The following GAS2 variants were observed in gnomAD, a reference collection of about 807,000 sequenced individuals.
GAS2 encodes the protein growth arrest-specific protein 2.
In GAS2, 20 loss-of-function variants were observed where a neutral mutation model predicts 37.5. The ratio of observed to expected loss-of-function variants is 0.53; its 90% CI spans 0.37 to 0.77. GAS2 has a LOEUF of 0.77. Among genes scored for constraint, GAS2 ranks in the 30% least tolerant of loss-of-function variants. The pLI, the probability that GAS2 is intolerant of heterozygous loss-of-function variation, is 0.00. For missense variants in GAS2, 336 were observed against 373.4 expected, an observed-to-expected ratio of 0.90 and a Z score of 0.82; for synonymous variants, 144 against 132.2, an observed-to-expected ratio of 1.09 and a Z score of -0.61.
upstream of GAS2, among the ~76,000 whole-genome samples, chr11:22,664,605 C>A (rs1174561160): frequency 6.6e-6 from 1 of 152,120 alleles, no homozygotes; most frequent in Non-Finnish European, 1.5e-5. Flanking sequence ...TTTGCATTCA[C>A]ATTAGAGAAG....
chr11:22,681,893 TC>T (rs1218868754), intron 2 of GAS2, among the ~76,000 whole-genome samples: 1 of 152,026 alleles, frequency 6.6e-6, no homozygotes, highest in Non-Finnish European at 1.5e-5. Flanking sequence ...AGATAATATA[TC>T]ATCCCCATAT....
chr11:22,767,955 A>G (rs1476537987), intron 7 of GAS2, among the ~76,000 whole-genome samples: 1 of 152,056 alleles, frequency 6.6e-6, no homozygotes, highest in Admixed American at 6.6e-5. Context: ...CCACCTCAGT[A>G]AAAACGCATA....
At chr11:22,697,690 T>A (rs2134003799) in intron 3 of GAS2, among the ~76,000 whole-genome samples, 1 of 152,354 alleles carries the variant, frequency 6.6e-6, no homozygotes, top group East Asian at 1.9e-4. Context: ...CTAGGTATTT[T>A]ATTCTCTTTG....
At chr11:22,676,327 G>C (rs571677566) in intron 2 of GAS2, among the ~76,000 whole-genome samples, 1 of 152,102 alleles carries the variant, frequency 6.6e-6, no homozygotes. Context: ...TCTCTCTTCT[G>C]TCTTTTTGGG....
intron 6 of GAS2, chr11:22,755,553 G>A (rs930353684): frequency 9.3e-6 from 2 of 213,958 alleles, no homozygotes; most frequent in Non-Finnish European, 1.9e-5. Flanking sequence ...TAGGAACCCA[G>A]CTGATTATGT....
At chr11:22,663,166 A>C (rs1348589833), upstream of GAS2, among the ~76,000 whole-genome samples, 1 of 152,156 alleles carries the variant, frequency 6.6e-6, no homozygotes, top group Non-Finnish European at 1.5e-5. Flanking sequence ...CTCCCTCACT[A>C]TCATGAGAAC....
chr11:22,726,342 CT>C lies in GAS2; in HGVS notation c.324del (p.Phe108LeufsTer16). The C allele has an allele frequency of 6.2e-7, 1 of 1,612,468 alleles. No individual in the cohort carries two copies. On this transcript the variant is annotated frameshift_variant, in exon 4 of 8. Transcript: ENST00000454584. LOFTEE classifies it high-confidence loss of function. ...PCKTSAPSGS[F>X]FARDNTANFL... ...GCAAAACCAGTGCACCCTCGGGCTC[CT>C]TTTTTGCCAGAGACAATACAGCAAA...
At chr11:22,644,128 A>G (rs1199442908) in intron 1 of GAS2, among the ~76,000 whole-genome samples, 1 of 152,198 alleles carries the variant, frequency 6.6e-6, no homozygotes, top group Non-Finnish European at 1.5e-5. Context: ...ATAATAGATG[A>G]ATCTAATTTT....
intron 3 of GAS2, among the ~76,000 whole-genome samples, chr11:22,718,007 T>A (rs1293835647): frequency 6.6e-6 from 1 of 152,110 alleles, no homozygotes; most frequent in African/African-American, 2.4e-5. Context: ...GGAACACTTT[T>A]TTTTACTGCT....
At chr11:22,780,866 C>G (rs180807966) in intron 7 of GAS2, among the ~76,000 whole-genome samples, 2 of 152,244 alleles carry the variant, frequency 1.3e-5, no homozygotes, top group East Asian at 3.9e-4. Context: ...TTGGAAACAG[C>G]TTAATCCTAG....
At chr11:22,708,223 A>G (rs1414370386) in intron 3 of GAS2, among the ~76,000 whole-genome samples, 1 of 152,160 alleles carries the variant, frequency 6.6e-6, no homozygotes, top group Non-Finnish European at 1.5e-5. Flanking sequence ...TAATGACTTG[A>G]TAGATGTACT....
chr11:22,746,791 C>T (rs1853429241), intron 5 of GAS2, among the ~76,000 whole-genome samples: 1 of 152,132 alleles, frequency 6.6e-6, no homozygotes, highest in Admixed American at 6.6e-5. Context: ...GTACCCCAAA[C>T]CTCAACATTA....
chr11:22,764,484 C>G (rs1362271671), intron 7 of GAS2, among the ~76,000 whole-genome samples: 3 of 143,862 alleles, frequency 2.1e-5, no homozygotes, highest in Non-Finnish European at 4.5e-5. Flanking sequence ...GGCGTGAGCC[C>G]GGGAGGCGGA....
intron 6 of GAS2, among the ~76,000 whole-genome samples, chr11:22,754,431 A>G (rs879792442): frequency 1.6e-4 from 25 of 152,102 alleles, no homozygotes; most frequent in Admixed American, 5.3e-4. Context: ...CCATAGGTTT[A>G]TATGTCAGCA....
chr11:22,696,150 T>A (rs977058815), intron 3 of GAS2, among the ~76,000 whole-genome samples: 5 of 141,746 alleles, frequency 3.5e-5, no homozygotes, highest in Non-Finnish European at 7.6e-5. Context: ...TGTCCATGTG[T>A]TCTCATTGTT....
At chr11:22,635,782 C>T (rs58809941) in intron 1 of GAS2, among the ~76,000 whole-genome samples, 2,240 of 152,284 alleles carry the variant, frequency 0.015, 52 homozygotes, top group African/African-American at 0.052. Flanking sequence ...TTCCTCTGTC[C>T]CCGGTGGAGT....
rs184417124 is a variant in GAS2, at chr11:22,680,406, T to C, written c.146-5262T>C. 1.6e-3 allele frequency among the ~76,000 whole-genome samples: 238 copies of C among 152,264 alleles called. No homozygotes were observed. In the Middle Eastern group the frequency reaches 0.024, roughly 15 times the overall value. On this transcript the variant is annotated intron_variant, in intron 2 of 7. Coordinates refer to ENST00000454584, the MANE Select transcript of GAS2 (RefSeq NM_001143830.3). ...GGGATTTTGCATATAATGAACTGTTTCCTACCTCACAAACTTGAAACTTTT... is the reference window on the plus strand; with the variant it reads ...GGGATTTTGCATATAATGAACTGTTCCCTACCTCACAAACTTGAAACTTTT...
At chr11:22,638,677 AG>A (rs781152724) in intron 1 of GAS2, among the ~76,000 whole-genome samples, 55 of 152,292 alleles carry the variant, frequency 3.6e-4, no homozygotes, top group Non-Finnish European at 6.3e-4. Flanking sequence ...AAGAAATTAT[AG>A]GACACTATGC....
At chr11:22,695,829 A>C (rs1222008545) in intron 3 of GAS2, among the ~76,000 whole-genome samples, 5 of 152,210 alleles carry the variant, frequency 3.3e-5, no homozygotes, top group Admixed American at 3.3e-4. Context: ...TGTGAGGTTG[A>C]AAGTGATTTT....
Sources: allele counts gnomAD v4.1 joint callset (sites outside exome capture counted in the v4.1 genomes callset), GRCh38; gene constraint gnomAD v4.1.1; transcripts MANE v1.5; gene names NCBI Gene and HGNC (gene_info 2026-07-23, HGNC 2026-07-21).